TWF1: variants seen among roughly 807,000 people sequenced by gnomAD.
TWF1 encodes the protein twinfilin actin binding protein 1.
TWF1 carries 14 observed loss-of-function variants against 47.9 expected under a neutral mutation model. That is an observed-to-expected ratio of 0.29 (90% CI 0.19 to 0.46). TWF1 has a LOEUF of 0.46. Ranked by LOEUF, TWF1 falls within the 20% of genes least tolerant of loss-of-function variation. The pLI is 1.00. For synonymous variants in TWF1, 96 were observed against 139.2 expected (o/e 0.69, Z 2.18); for missense variants, 281 against 409.3 (o/e 0.69, Z 2.70).
At chr12:43,804,642 A>AGT in intron 1 of TWF1, 70 bp from the exon 2 acceptor site, 1 of 1,095,340 alleles carries the variant, frequency 9.1e-7, no homozygotes. Flanking sequence ...TATATTGGAA[A>AGT]AGTTAATTAG....
chr12:43,800,826 C>A (rs1431703189), intron 3 of TWF1, among the ~76,000 whole-genome samples: 1 of 152,208 alleles, frequency 6.6e-6, no homozygotes, highest in Non-Finnish European at 1.5e-5. Flanking sequence ...TCTCAGCTCA[C>A]TGCAACCTCT....
At chr12:43,805,566 G>A (rs1003755877) in intron 1 of TWF1, 6 of 461,208 alleles carry the variant, frequency 1.3e-5, no homozygotes, top group African/African-American at 6.0e-5. Context: ...ATGGAGGTCA[G>A]ATATAACTGC....
intron 2 of TWF1, among the ~76,000 whole-genome samples, chr12:43,803,619 TTAAC>T (rs1197434148): frequency 6.6e-6 from 1 of 152,138 alleles, no homozygotes; most frequent in East Asian, 1.9e-4. Flanking sequence ...TTTTAGTTCC[TTAAC>T]TAGTCACTTA....
intron 1 of TWF1, 110 bp from the exon 2 acceptor site, chr12:43,804,682 C>T (rs781472439): frequency 5.8e-5 from 37 of 641,480 alleles, no homozygotes; most frequent in Non-Finnish European, 7.7e-5. Flanking sequence ...GAGCATGTAG[C>T]ATCCTTATTA....
In TWF1 at chr12:43,797,349, A is replaced by G; in HGVS notation, c.713T>C (p.Phe238Ser). Residue 238 changes from phenylalanine to serine, a missense_variant, in exon 7 of 9, where the codon TTC becomes TCC. By Grantham distance (155) the Phe-to-Ser change is radical. Transcript: ENST00000395510. ...RIPKDSARYH[F>S]FLYKHSHEGD... is the part of the protein sequence containing the mutation. Reference sequence around the variant, plus strand: ...TTCATGGGAATGTTTATACAGAAAGAAATGGTAACGAGCTGAATCCTTGGG... The same window carrying G: ...TTCATGGGAATGTTTATACAGAAAGGAATGGTAACGAGCTGAATCCTTGGG... The G allele has an allele frequency of 6.2e-7, 1 of 1,605,518 alleles. No homozygotes were observed. The highest frequency in any genetic ancestry group is 8.5e-7 in the Non-Finnish European group (1 of 1,176,760).
chr12:43,804,343 C>T (rs1404377532), intron 2 of TWF1, 152 bp downstream of exon 2: 1 of 614,272 alleles, frequency 1.6e-6, no homozygotes, highest in Non-Finnish European at 2.9e-6. Flanking sequence ...CCCATAGGGA[C>T]CTGCACAAAA....
At chr12:43,805,877 A>G in intron 1 of TWF1, 1 of 1,443,254 alleles carries the variant, frequency 6.9e-7, no homozygotes, top group Non-Finnish European at 9.3e-7. Context: ...CCACTGTCCC[A>G]GCTCTTCCCT....
chr12:43,799,619 T>C (rs1592278693), intron 4 of TWF1, 117 bp from the exon 5 acceptor site: 2 of 538,554 alleles, frequency 3.7e-6, no homozygotes, highest in Non-Finnish European at 6.2e-6. Context: ...ATAAATAGCA[T>C]TATGAATTTT....
rs1942534594 is a variant in TWF1 at position 43,795,594 on chromosome 12, A to C, written c.1044T>G (p.Thr348=). ...GTTTAATGTGATGACTTTAATCAGTAGTAGCTTCAGTTTCCGCTGGGCCCC... is the reference window on the plus strand; with the variant it reads ...GTTTAATGTGATGACTTTAATCAGTCGTAGCTTCAGTTTCCGCTGGGCCCC... The part of the protein sequence containing the change: ...LIRGPAETEA[T]TD The change falls in exon 9 of 9, where the codon ACT becomes ACG. Residue 348 remains threonine (T), a synonymous_variant. Transcript: ENST00000395510. 1 of 1,611,796 alleles carries C rather than the reference A, an allele frequency of 6.2e-7. No homozygotes were observed. Among genetic ancestry groups the C allele is most frequent in the Non-Finnish European group, 8.5e-7 (1 of 1,179,782 alleles).
chr12:43,802,832 C>T (rs1454890933), intron 2 of TWF1, among the ~76,000 whole-genome samples: 1 of 152,054 alleles, frequency 6.6e-6, no homozygotes. Flanking sequence ...AACTACCATT[C>T]AAAAGTATAA....
In TWF1 at chr12:43,797,282, A is replaced by T; in HGVS notation, c.760+20T>A. 2 of 1,563,680 alleles carry T rather than the reference A, an allele frequency of 1.3e-6. No homozygotes were observed. The highest frequency in any genetic ancestry group is 1.7e-6 in the Non-Finnish European group (2 of 1,156,914). ...ATAAACAAACTGAAAGTAATGTGTTAAAAACAATGTATCATATACCTATGG... is the reference window on the plus strand; with the variant it reads ...ATAAACAAACTGAAAGTAATGTGTTTAAAACAATGTATCATATACCTATGG... On this transcript the variant is annotated intron_variant, in intron 7 of 8. Coordinates refer to ENST00000395510, the MANE Select transcript of TWF1 (RefSeq NM_002822.5).
At chr12:43,796,839 A>G (rs1565698845) in intron 8 of TWF1, 137 bp downstream of exon 8, 1 of 892,698 alleles carries the variant, frequency 1.1e-6, no homozygotes, top group African/African-American at 1.7e-5. Flanking sequence ...CCAGGCACTT[A>G]GAGGAGATCC....
At position 43,795,631 on chromosome 12, in the gene TWF1, C is replaced by T. The variant is rs555460934; in HGVS notation, c.1007G>A (p.Arg336Gln). Residue 336 changes from arginine (R) to glutamine (Q), a missense_variant, in exon 9 of 9, where the codon CGA (arginine) becomes CAA (glutamine). Coordinates refer to ENST00000395510, the MANE Select transcript of TWF1 (RefSeq NM_002822.5). ...PKGPAGKRGI[R>Q]RLIRGPAETE... Reference sequence around the variant, plus strand: ...TTCCGCTGGGCCCCTAATTAGTCTTCGAATTCCTCTTTTTCCTGCAGGACC... The same window carrying T: ...TTCCGCTGGGCCCCTAATTAGTCTTTGAATTCCTCTTTTTCCTGCAGGACC... 9.9e-6 allele frequency: 16 copies of T among 1,612,652 alleles called. No individual in the cohort carries two copies. Among genetic ancestry groups the T allele is most frequent in the East Asian group, 4.5e-5 (2 of 44,864 alleles).
chr12:43,794,422 T>C lies in TWF1; in HGVS notation c.*1163A>G, dbSNP rs1942514329. 6.6e-6 allele frequency: 1 copy of C among 151,304 alleles called. No individual in the cohort carries two copies. Among genetic ancestry groups the C allele is most frequent in the African/African-American group, 2.4e-5 (1 of 41,004 alleles). 9.4% of individuals were successfully genotyped at this position (151,304 alleles called of 1,614,324 possible). A position where few individuals can be genotyped will look rare whatever the true frequency, so the allele number is the denominator to read the frequency against. ...AGTGCTTCACACTATGAAATGTGCA[T>C]TTCCGATAAGTGATTTATGCAGCAT... On this transcript the variant is annotated 3_prime_UTR_variant, in exon 9 of 9. Coordinates refer to ENST00000395510, the MANE Select transcript of TWF1 (RefSeq NM_002822.5).
intron 8 of TWF1, among the ~76,000 whole-genome samples, chr12:43,796,647 T>A (rs1302485107): frequency 6.6e-6 from 1 of 152,110 alleles, no homozygotes; most frequent in Non-Finnish European, 1.5e-5. Context: ...GATGGAAATG[T>A]CCTATAAATT....
At chr12:43,800,177 A>G (rs1324905113) in intron 4 of TWF1, among the ~76,000 whole-genome samples, 1 of 152,214 alleles carries the variant, frequency 6.6e-6, no homozygotes, top group Non-Finnish European at 1.5e-5. Flanking sequence ...TATATGTGTA[A>G]ATACATATAT....
In TWF1 at chr12:43,801,229, G is replaced by A. The variant is rs1037007341; in HGVS notation, c.283-699C>T. 3.3e-5 allele frequency among the ~76,000 whole-genome samples: 5 copies of A among 152,080 alleles called. No homozygotes were observed. The East Asian group carries it at 5.8e-4, about 18-fold the overall frequency. On this transcript the variant is annotated intron_variant, in intron 3 of 8. Coordinates refer to ENST00000395510, the MANE Select transcript of TWF1 (RefSeq NM_002822.5). ...TAAGTTGTTAAGAATCAAAATTCAC[G>A]GCTTACCGATGGCACATACCATTCT...
At chr12:43,802,532 C>T in intron 2 of TWF1, 68 bp from the exon 3 acceptor site, 1 of 1,158,212 alleles carries the variant, frequency 8.6e-7, no homozygotes, top group Non-Finnish European at 1.2e-6. Context: ...GTGATGAAGA[C>T]TAGAAAAATA....
chr12:43,804,577 G>A lies in TWF1; in HGVS notation c.26-5C>T. 3.2e-6 allele frequency: 5 copies of A among 1,579,934 alleles called. No homozygotes were observed. Among genetic ancestry groups the A allele is most frequent in the Admixed American group, 1.8e-5 (1 of 55,916 alleles). Reference sequence around the variant, plus strand: ...TCTCTTTAACATCTTCACTTGCTGTGGAAAAAGATAAAGAAAGTAAACTTT... The same window carrying A: ...TCTCTTTAACATCTTCACTTGCTGTAGAAAAAGATAAAGAAAGTAAACTTT... On this transcript the variant is annotated splice_region_variant and splice_polypyrimidine_tract_variant and intron_variant, in intron 1 of 8. Transcript: ENST00000395510.
Sources: allele counts gnomAD v4.1 joint callset (sites outside exome capture counted in the v4.1 genomes callset), GRCh38; gene constraint gnomAD v4.1.1; transcripts MANE v1.5; gene names NCBI Gene and HGNC (gene_info 2026-07-23, HGNC 2026-07-21).